The following COX16 variants were observed in gnomAD, a reference collection of about 807,000 sequenced individuals.
COX16 encodes the protein cytochrome c oxidase assembly factor COX16.
A neutral mutation model predicts 15.4 loss-of-function variants in COX16; 12 were observed. The observed-to-expected ratio is 0.78, with a 90% CI of 0.50 to 1.26. COX16 has a LOEUF of 1.26. Among genes scored for constraint, COX16 ranks in the 50% most tolerant of loss-of-function variants. COX16 has a pLI of 0.00. For synonymous variants in COX16, 46 were observed against 41.1 expected, an observed-to-expected ratio of 1.12 and a Z score of -0.46; for missense variants, 124 against 127.6, an observed-to-expected ratio of 0.97 and a Z score of 0.14.
At chr14:70,343,713 G>T (rs10140916) in intron 1 of COX16, among the ~76,000 whole-genome samples, 132,559 of 152,274 alleles carry the variant, frequency 0.87, 57,762 homozygotes, top group East Asian at 0.93. Flanking sequence ...TCACTTTCAT[G>T]TTTTTGCTGG....
chr14:70,353,131 C>T (rs764706737), intron 1 of COX16, among the ~76,000 whole-genome samples: 1 of 151,442 alleles, frequency 6.6e-6, no homozygotes, highest in African/African-American at 2.4e-5. Context: ...TGTGGTGGCA[C>T]GCACCTGTAG....
At chr14:70,336,604 C>T (rs1886464460) in intron 2 of COX16, among the ~76,000 whole-genome samples, 1 of 152,160 alleles carries the variant, frequency 6.6e-6, no homozygotes, top group South Asian at 2.1e-4. Context: ...TTAACTTCCT[C>T]ATATGCTTTC....
At chr14:70,346,106 C>T (rs903367185) in intron 1 of COX16, among the ~76,000 whole-genome samples, 2 of 152,094 alleles carry the variant, frequency 1.3e-5, no homozygotes, top group Non-Finnish European at 2.9e-5. Context: ...TGCCTGTTAA[C>T]CCTCCTTCCC....
chr14:70,346,458 C>G (rs1288190638), intron 1 of COX16, among the ~76,000 whole-genome samples: 1 of 152,192 alleles, frequency 6.6e-6, no homozygotes, highest in Non-Finnish European at 1.5e-5. Flanking sequence ...GGTAAGCCCA[C>G]CAGGCCATGC....
chr14:70,348,276 G>A (rs1044955556), intron 1 of COX16, among the ~76,000 whole-genome samples: 2 of 152,114 alleles, frequency 1.3e-5, no homozygotes, highest in Non-Finnish European at 2.9e-5. Flanking sequence ...GCTCACCACA[G>A]TGTACTAAGT....
chr14:70,332,232 C>A (rs564082320), intron 2 of COX16, among the ~76,000 whole-genome samples: 2 of 152,354 alleles, frequency 1.3e-5, no homozygotes, highest in African/African-American at 4.8e-5. Flanking sequence ...CAGCCTTCAG[C>A]TGCAGGTCCC....
intron 1 of COX16, among the ~76,000 whole-genome samples, chr14:70,347,577 T>G (rs1886820598): frequency 6.6e-6 from 1 of 152,060 alleles, no homozygotes; most frequent in Non-Finnish European, 1.5e-5. Flanking sequence ...CCTAAAACCG[T>G]CCACTCTCCT....
chr14:70,337,321 C>G (rs1035423673), intron 2 of COX16, among the ~76,000 whole-genome samples: 3 of 151,980 alleles, frequency 2.0e-5, no homozygotes, highest in Non-Finnish European at 4.4e-5. Context: ...CCAGGAAAGG[C>G]TTATCCTTTT....
intron 2 of COX16, among the ~76,000 whole-genome samples, chr14:70,331,566 A>C (rs1029790467): frequency 6.6e-6 from 1 of 152,210 alleles, no homozygotes; most frequent in African/African-American, 2.4e-5. Context: ...ATTTAAATTC[A>C]CCTCATAATT....
chr14:70,352,671 A>T (rs1316581383), intron 1 of COX16, among the ~76,000 whole-genome samples: 2 of 114,718 alleles, frequency 1.7e-5, no homozygotes, highest in East Asian at 5.2e-4. Context: ...TTTGAGACAG[A>T]GTCTCGCTCT....
chr14:70,357,137 C>T (rs7144850), intron 1 of COX16, among the ~76,000 whole-genome samples: 93,705 of 130,602 alleles, frequency 0.72, 33,276 homozygotes, highest in East Asian at 0.93. Flanking sequence ...TATGAACAGA[C>T]TTCTCCTAGG....
rs559401412 is a variant in COX16 at position 70,328,257 on chromosome 14, ATAGC to A, written c.204+913_204+916del. ...AACAAGGGAGAAGGGCCAAGGAAAG[ATAGC>A]TAGCCCTTCAACAGATACTTCCCTA... On this transcript the variant is annotated intron_variant, in intron 3 of 3. Coordinates refer to ENST00000389912, the MANE Select transcript of COX16 (RefSeq NM_016468.7). The A allele has an allele frequency of 3.7e-4, 13 of 35,104 alleles. No individual in the cohort carries two copies. The South Asian group carries it at 8.5e-3, about 23-fold the overall frequency. The allele number at this position is 35,104 out of a possible 1,614,324, so 2.2% of individuals were successfully genotyped here. A position where few individuals can be genotyped will look rare whatever the true frequency, so the allele number is the denominator to read the frequency against.
intron 3 of COX16, 100 bp downstream of exon 3, chr14:70,329,074 T>C (rs1886190836): frequency 9.3e-7 from 1 of 1,075,552 alleles, no homozygotes; most frequent in Non-Finnish European, 1.3e-6. Context: ...AAATACCATA[T>C]ATATTCAACG....
At chr14:70,327,406 T>C (rs1886117021) in intron 3 of COX16, among the ~76,000 whole-genome samples, 1 of 152,070 alleles carries the variant, frequency 6.6e-6, no homozygotes. Context: ...AGAAGGAAAA[T>C]CTACTCCCAG....
chr14:70,352,786 T>G (rs1167452908), intron 1 of COX16, among the ~76,000 whole-genome samples: 2 of 151,858 alleles, frequency 1.3e-5, no homozygotes, highest in African/African-American at 4.8e-5. Flanking sequence ...CATTTGTTTT[T>G]GTACACATAT....
At chr14:70,339,784 T>C (rs917518443) in intron 2 of COX16, among the ~76,000 whole-genome samples, 2 of 152,244 alleles carry the variant, frequency 1.3e-5, no homozygotes, top group East Asian at 1.9e-4. Context: ...AGTTTGACTT[T>C]TCAACATCAT....
At chr14:70,347,966 C>T (rs1044992344) in intron 1 of COX16, among the ~76,000 whole-genome samples, 1 of 152,098 alleles carries the variant, frequency 6.6e-6, no homozygotes, top group African/African-American at 2.4e-5. Flanking sequence ...CCCAACCTTT[C>T]CATCTACTCC....
At chr14:70,342,831 A>G in intron 1 of COX16, 102 bp from the exon 2 acceptor site, 1 of 1,227,188 alleles carries the variant, frequency 8.1e-7, no homozygotes, top group Non-Finnish European at 1.1e-6. Flanking sequence ...GGCACATTAT[A>G]CAAAAATTCT....
chr14:70,359,626 C>T lies in COX16; in HGVS notation c.-39G>A, dbSNP rs1157596204. ...CATCGGCTCAGAACTCCAAGCGGGC[C>T]TAGCGCAGACTCCCAAATCTCAGCA... On this transcript the variant is annotated 5_prime_UTR_variant, in exon 1 of 4. Transcript: ENST00000389912. The T allele has an allele frequency of 2.5e-6, 4 of 1,582,040 alleles. No homozygotes were observed. Among genetic ancestry groups the T allele is most frequent in the African/African-American group, 1.3e-5 (1 of 74,298 alleles).
Sources: gnomAD v4.1 joint callset for allele counts (sites outside exome capture counted in the v4.1 genomes callset) on GRCh38, gnomAD v4.1.1 for gene constraint, MANE v1.5 for transcripts, NCBI Gene and HGNC (gene_info 2026-07-23, HGNC 2026-07-21) for gene names.